The following KAZN variants were observed in gnomAD, a reference collection of about 807,000 sequenced individuals.
The protein encoded by KAZN is kazrin.
Under a neutral mutation model 87.4 loss-of-function variants are expected in KAZN, and 40 were observed. The ratio of observed to expected loss-of-function variants is 0.46; its 90% CI spans 0.36 to 0.60. The LOEUF is 0.60. Among genes scored for constraint, KAZN ranks in the 20% least tolerant of loss-of-function variants. The probability of loss-of-function intolerance (pLI) is 0.00; values close to 1 mark genes in which losing one functional copy is unlikely to be tolerated. For missense variants in KAZN, 898 were observed against 1,073.9 expected (o/e 0.84, Z 2.29); for synonymous variants, 466 against 458.3 (o/e 1.02, Z -0.22).
At position 14,769,855 on chromosome 1, in the gene KAZN, T is replaced by C. The variant is rs904700240; in HGVS notation, c.226+170632T>C. Reference sequence around the variant, plus strand: ...ACGGGATAGGTAGATGTTGACGAAGTAACTGAGTATTCTGGGTTTGGGACC... The same window carrying C: ...ACGGGATAGGTAGATGTTGACGAAGCAACTGAGTATTCTGGGTTTGGGACC... On this transcript the variant is annotated intron_variant, in intron 1 of 14. Transcript: ENST00000376030. This position sits in a 1 kb window ranked among gnomAD's most constrained non-coding sequence, Gnocchi z 4.1. Among the ~76,000 whole-genome samples the C allele has an allele frequency of 3.7e-4, 56 of 152,342 alleles. No individual in the cohort carries two copies. The highest frequency in any genetic ancestry group is 1.3e-3 in the African/African-American group (55 of 41,580).
At chr1:14,013,313 G>A (rs576021608) in intron 1 of KAZN, among the ~76,000 whole-genome samples, 2 of 152,282 alleles carry the variant, frequency 1.3e-5, no homozygotes, top group Admixed American at 1.3e-4. Flanking sequence ...GAACAAAGTT[G>A]TTCCTCGATC....
chr1:14,315,874 CTT>C (rs1422289598), intron 2 of KAZN, among the ~76,000 whole-genome samples: 1 of 151,330 alleles, frequency 6.6e-6, no homozygotes, highest in South Asian at 2.1e-4. Flanking sequence ...ATGTACAAGT[CTT>C]TGTATGAACA....
chr1:14,713,544 G>A (rs1642600756), intron 1 of KAZN, among the ~76,000 whole-genome samples: 1 of 152,068 alleles, frequency 6.6e-6, no homozygotes, highest in Admixed American at 6.6e-5. Flanking sequence ...TGGGGAAGAT[G>A]CTTCTGGCAT....
chr1:14,269,344 T>C (rs1345979817), intron 2 of KAZN, among the ~76,000 whole-genome samples: 1 of 151,974 alleles, frequency 6.6e-6, no homozygotes, highest in East Asian at 1.9e-4. Context: ...TTTGAGAAAC[T>C]CTCCTAATAG....
At chr1:14,595,565 G>A (rs6656468), upstream of KAZN, among the ~76,000 whole-genome samples, 24,123 of 150,884 alleles carry the variant, frequency 0.16, 2,050 homozygotes, top group African/African-American at 0.21. Flanking sequence ...ACCTGTAATC[G>A]CAACTACTCA....
intron 2 of KAZN, among the ~76,000 whole-genome samples, chr1:14,520,442 A>G (rs1336876935): frequency 2.6e-5 from 4 of 152,156 alleles, no homozygotes; most frequent in African/African-American, 7.2e-5. Flanking sequence ...CTGGGGGACA[A>G]TTGTGCATGC....
chr1:13,935,301 T>G (rs1325687178), intron 1 of KAZN, among the ~76,000 whole-genome samples: 2 of 115,606 alleles, frequency 1.7e-5, no homozygotes, highest in Non-Finnish European at 3.8e-5. Context: ...ATTTTACATA[T>G]ATTCTGTTAT....
chr1:14,479,431 A>G (rs951152517), intron 2 of KAZN, among the ~76,000 whole-genome samples: 2 of 152,178 alleles, frequency 1.3e-5, no homozygotes, highest in Admixed American at 1.3e-4. Flanking sequence ...CATTCATAAG[A>G]ATCAATGGCC....
intron 2 of KAZN, among the ~76,000 whole-genome samples, chr1:14,520,658 G>A (rs542421774): frequency 2.0e-5 from 3 of 152,276 alleles, no homozygotes; most frequent in Admixed American, 6.5e-5. Context: ...GCTAAGGTTC[G>A]CCTCTGGAAG....
chr1:14,413,302 T>C (rs1401669476), intron 2 of KAZN, among the ~76,000 whole-genome samples: 1 of 151,900 alleles, frequency 6.6e-6, no homozygotes, highest in Non-Finnish European at 1.5e-5. Context: ...ACCTTTAAAA[T>C]GCATTTGGCC....
At chr1:14,726,128 G>A (rs537455886) in intron 1 of KAZN, among the ~76,000 whole-genome samples, 3 of 152,334 alleles carry the variant, frequency 2.0e-5, no homozygotes, top group East Asian at 3.9e-4. Flanking sequence ...TGTGAATGAG[G>A]CTTCAGATGC....
At chr1:13,918,612 G>C (rs1639946382) in intron 1 of KAZN, among the ~76,000 whole-genome samples, 3 of 152,250 alleles carry the variant, frequency 2.0e-5, no homozygotes, top group Non-Finnish European at 4.4e-5. Context: ...GTTCTACTGT[G>C]TATAAAATGC....
chr1:13,995,923 C>T (rs1182363019), intron 1 of KAZN, among the ~76,000 whole-genome samples: 1 of 152,170 alleles, frequency 6.6e-6, no homozygotes, highest in Admixed American at 6.5e-5. Context: ...GATGGCAGAC[C>T]AGAAACAGCA....
chr1:14,272,783 G>A (rs530187920), intron 2 of KAZN, among the ~76,000 whole-genome samples: 71 of 152,236 alleles, frequency 4.7e-4, no homozygotes, highest in Admixed American at 1.8e-3. Flanking sequence ...ACTTGAACCC[G>A]GGAGGTGGAG....
At chr1:14,827,757 A>T (rs1646938641) in intron 1 of KAZN, among the ~76,000 whole-genome samples, 1 of 152,192 alleles carries the variant, frequency 6.6e-6, no homozygotes, top group East Asian at 1.9e-4. Context: ...CAGCTGTCTT[A>T]CCTTCAAAGT....
At chr1:14,110,372 T>TTGTA (rs1286595842) in intron 1 of KAZN, among the ~76,000 whole-genome samples, 14 of 152,324 alleles carry the variant, frequency 9.2e-5, no homozygotes, top group African/African-American at 3.4e-4. Flanking sequence ...CAATGCAATT[T>TTGTA]TGTATAACTC....
chr1:14,602,174 T>A (rs941232741), intron 1 of KAZN, among the ~76,000 whole-genome samples: 1 of 152,202 alleles, frequency 6.6e-6, no homozygotes, highest in African/African-American at 2.4e-5. Context: ...AAACAAAATA[T>A]TAACTTGGTT....
rs12565198 is a variant in KAZN, at chr1:14,203,361, C to T, written c.249+22769C>T. Among the ~76,000 whole-genome samples the T allele has an allele frequency of 3.9e-4, 60 of 152,222 alleles. No homozygotes were observed. The East Asian group carries it at 0.01, about 26-fold the overall frequency. On this transcript the variant is annotated intron_variant, in intron 2 of 16. Coordinates refer to the KAZN transcript ENST00000636203. ...CTAAGTCGTAAGCCCTTTTCCTCTC[C>T]CACGAGTGTGTACTTAGGACTGAAG...
At chr1:14,081,459 A>G (rs1292651279) in intron 1 of KAZN, among the ~76,000 whole-genome samples, 3 of 152,130 alleles carry the variant, frequency 2.0e-5, no homozygotes, top group Admixed American at 1.3e-4. Flanking sequence ...CAATGGGTCA[A>G]ATCTCATCCT....
Sources: gnomAD v4.1 joint callset for allele counts (sites outside exome capture counted in the v4.1 genomes callset) on GRCh38, gnomAD v4.1.1 for gene constraint, Gnocchi (gnomAD v3.1) non-coding constraint, MANE v1.5 for transcripts, NCBI Gene and HGNC (gene_info 2026-07-23, HGNC 2026-07-21) for gene names.